Variants in FAM83B observed in about 807,000 individuals in gnomAD.
FAM83B encodes the protein scaffolding CK1 anchoring protein B.
Under a neutral mutation model 38.8 loss-of-function variants are expected in FAM83B, and 26 were observed. The ratio of observed to expected loss-of-function variants is 0.67; its 90% CI spans 0.49 to 0.93. The LOEUF (loss-of-function observed/expected upper bound fraction) is 0.93, where lower values mean the gene tolerates loss of function less well. Ranked by LOEUF, FAM83B falls within the 40% of genes least tolerant of loss-of-function variation. The pLI is 0.00. For missense variants in FAM83B, 1,237 were observed against 1,197.3 expected, an observed-to-expected ratio of 1.03 and a Z score of -0.49; for synonymous variants, 419 against 423.1, an observed-to-expected ratio of 0.99 and a Z score of 0.12.
chr6:54,912,569 A>C (rs1772935241), intron 2 of FAM83B, among the ~76,000 whole-genome samples: 1 of 151,768 alleles, frequency 6.6e-6, no homozygotes, highest in Admixed American at 6.6e-5. Flanking sequence ...TTTGAACTAT[A>C]TATTATATTT....
At chr6:54,866,093 G>T (rs574997828) in intron 1 of FAM83B, among the ~76,000 whole-genome samples, 15 of 151,768 alleles carry the variant, frequency 9.9e-5, no homozygotes, top group Non-Finnish European at 1.9e-4. Context: ...CCAAACTGAG[G>T]CTTGTGGACG....
At chr6:54,924,415 T>G (rs956547578) in intron 2 of FAM83B, among the ~76,000 whole-genome samples, 23 of 151,242 alleles carry the variant, frequency 1.5e-4, no homozygotes, top group African/African-American at 4.9e-4. Context: ...TACACAAAAA[T>G]AGTTTTCTGT....
intron 2 of FAM83B, among the ~76,000 whole-genome samples, chr6:54,906,874 A>T (rs906057563): frequency 4.6e-5 from 7 of 152,192 alleles, no homozygotes; most frequent in East Asian, 1.9e-4. Context: ...CTGAAATAAT[A>T]TATTCACAGA....
intron 2 of FAM83B, among the ~76,000 whole-genome samples, chr6:54,877,101 G>A (rs1772015126): frequency 6.6e-6 from 1 of 152,156 alleles, no homozygotes; most frequent in Admixed American, 6.5e-5. Flanking sequence ...TACACACTCA[G>A]ATGCCTTCAG....
At chr6:54,890,121 T>C (rs562013375) in intron 2 of FAM83B, among the ~76,000 whole-genome samples, 88 of 152,230 alleles carry the variant, frequency 5.8e-4, no homozygotes, top group Non-Finnish European at 9.9e-4. Context: ...AATTGTATTG[T>C]AGAACACATA....
chr6:54,862,878 C>CA (rs1226414167), intron 1 of FAM83B, among the ~76,000 whole-genome samples: 6 of 150,192 alleles, frequency 4.0e-5, no homozygotes, highest in Middle Eastern at 3.4e-3. Flanking sequence ...AACCCCCCCC[C>CA]AAAAAAACCA....
At chr6:54,886,786 T>C (rs1206179391) in intron 2 of FAM83B, among the ~76,000 whole-genome samples, 1 of 152,058 alleles carries the variant, frequency 6.6e-6, no homozygotes, top group Non-Finnish European at 1.5e-5. Context: ...TCCAGGATTC[T>C]TGAATACTTG....
rs557438784 is a variant in FAM83B at position 54,874,061 on chromosome 6, A to C, written c.444+3371A>C. Among the ~76,000 whole-genome samples, 14 of 152,144 alleles carry C rather than the reference A, an allele frequency of 9.2e-5. No homozygotes were observed. The South Asian group carries it at 2.9e-3, about 32-fold the overall frequency. ...TGTCTTTACTGGAAAGAGGTGAAAC[A>C]TTTTGTGTTTGTTTTTGAATTTCAG... On this transcript the variant is annotated intron_variant, in intron 2 of 4. Transcript: ENST00000306858.
At chr6:54,926,328 C>A in intron 2 of FAM83B, 43 bp from the exon 3 acceptor site, 1 of 1,326,022 alleles carries the variant, frequency 7.5e-7, no homozygotes, top group Non-Finnish European at 1.0e-6. Flanking sequence ...AAATCTTTCT[C>A]TATCAAGGAT....
intron 1 of FAM83B, among the ~76,000 whole-genome samples, chr6:54,848,873 T>A (rs1048618229): frequency 1.3e-5 from 2 of 152,178 alleles, no homozygotes; most frequent in African/African-American, 2.4e-5. Context: ...TAATGAATTA[T>A]TGGTAAAATT....
At chr6:54,866,774 A>C (rs1043830401) in intron 1 of FAM83B, among the ~76,000 whole-genome samples, 1 of 152,138 alleles carries the variant, frequency 6.6e-6, no homozygotes, top group Non-Finnish European at 1.5e-5. Flanking sequence ...TTCTTGGATA[A>C]ATCACCAAAG....
chr6:54,891,503 C>T (rs1772402006), intron 2 of FAM83B, among the ~76,000 whole-genome samples: 1 of 152,162 alleles, frequency 6.6e-6, no homozygotes. Flanking sequence ...CTTACTGCTG[C>T]TTTCTACCTT....
intron 2 of FAM83B, among the ~76,000 whole-genome samples, chr6:54,911,228 T>C (rs1772901647): frequency 6.6e-6 from 1 of 151,770 alleles, no homozygotes. Context: ...ATTTGTTTGC[T>C]TCTTTGTTTT....
rs146071202 is a variant in FAM83B at position 54,881,334 on chromosome 6, A to G, written c.444+10644A>G. Among the ~76,000 whole-genome samples the G allele has an allele frequency of 5.8e-4, 88 of 152,332 alleles. 1 individual carries two copies. Among genetic ancestry groups the G allele is most frequent in the African/African-American group, 2.0e-3 (83 of 41,574 alleles). On this transcript the variant is annotated intron_variant, in intron 2 of 4. Coordinates refer to ENST00000306858, the MANE Select transcript of FAM83B (RefSeq NM_001010872.3). ...TTCCTTCAGAAATGAAGAAAGCCTCATAACTGTTTCTGTGTAATCATCAGT... is the reference window on the plus strand; with the variant it reads ...TTCCTTCAGAAATGAAGAAAGCCTCGTAACTGTTTCTGTGTAATCATCAGT...
At chr6:54,882,343 A>G (rs913866804) in intron 2 of FAM83B, among the ~76,000 whole-genome samples, 2 of 152,218 alleles carry the variant, frequency 1.3e-5, no homozygotes, top group African/African-American at 2.4e-5. Context: ...AGCATTTTAT[A>G]TATACTGATG....
At chr6:54,920,629 A>G (rs1163523429) in intron 2 of FAM83B, among the ~76,000 whole-genome samples, 2 of 151,926 alleles carry the variant, frequency 1.3e-5, no homozygotes, top group African/African-American at 2.4e-5. Flanking sequence ...TTTGTAAGGA[A>G]ATGCAAGTTT....
chr6:54,932,933 G>A (rs1466454849), intron 4 of FAM83B, among the ~76,000 whole-genome samples: 1 of 152,110 alleles, frequency 6.6e-6, no homozygotes, highest in Non-Finnish European at 1.5e-5. Flanking sequence ...GTGTCTTGGT[G>A]TAATTCTTTT....
At chr6:54,851,325 T>C (rs1029591506) in intron 1 of FAM83B, among the ~76,000 whole-genome samples, 2 of 152,076 alleles carry the variant, frequency 1.3e-5, no homozygotes, top group Middle Eastern at 3.2e-3. Flanking sequence ...CCTTCTCTTT[T>C]TATCTATCCC....
At chr6:54,846,908 T>TGGAG (rs1771148681) in intron 1 of FAM83B, 82 bp downstream of exon 1, 1 of 151,106 alleles carries the variant, frequency 6.6e-6, no homozygotes, top group African/African-American at 2.4e-5. Flanking sequence ...CTTGGGGTAC[T>TGGAG]GGGGGGGCCC....
Sources: allele counts gnomAD v4.1 joint callset (sites outside exome capture counted in the v4.1 genomes callset), GRCh38; gene constraint gnomAD v4.1.1; transcripts MANE v1.5; gene names NCBI Gene and HGNC (gene_info 2026-07-23, HGNC 2026-07-21).